KIFAP3: variants seen among roughly 807,000 people sequenced by gnomAD.
KIFAP3 encodes kinesin-associated protein 3.
A neutral mutation model predicts 106.5 loss-of-function variants in KIFAP3; 68 were observed. The ratio of observed to expected loss-of-function variants is 0.64; its 90% CI spans 0.53 to 0.78. The LOEUF is 0.78. Ranked by LOEUF, KIFAP3 falls within the 30% of genes least tolerant of loss-of-function variation. KIFAP3 has a pLI of 0.00. For synonymous variants in KIFAP3, 320 were observed against 311.5 expected, an observed-to-expected ratio of 1.03 and a Z score of -0.29; for missense variants, 780 against 941.8, an observed-to-expected ratio of 0.83 and a Z score of 2.25.
intron 9 of KIFAP3, among the ~76,000 whole-genome samples, chr1:170,017,491 G>A (rs1252318375): frequency 6.6e-6 from 1 of 152,060 alleles, no homozygotes; most frequent in Admixed American, 6.6e-5. Context: ...CCAGTGGATC[G>A]GCATTTAGGA....
At position 169,954,086 on chromosome 1, in the gene KIFAP3, G is replaced by C. The variant is rs755353825; in HGVS notation, c.2198C>G (p.Ala733Gly). Residue 733 changes from alanine to glycine, a missense_variant, in exon 19 of 20, where the codon GCC (alanine) becomes GGC (glycine). Ala to Gly is a moderately conservative substitution (Grantham distance 60, BLOSUM62 0). Around this residue, in one of 3 missense-constraint regions of KIFAP3, gnomAD observed 114 missense variants for 122.3 expected, o/e 0.93. Coordinates refer to ENST00000361580, the MANE Select transcript of KIFAP3 (RefSeq NM_014970.4). The stretch of plus-strand genomic sequence containing the variant: ...ATCATTGAAGAAATCGGGACTTATG[G>C]CTCCTTCAGAGGCAATTAATCCATC... ...NSDGLIASEG[A>G]ISPDFFNDYH... is the part of the protein sequence containing the mutation. 2.5e-6 allele frequency: 4 copies of C among 1,611,786 alleles called. No individual in the cohort carries two copies. The highest frequency in any genetic ancestry group is 2.5e-6 in the Non-Finnish European group (3 of 1,178,198).
intron 18 of KIFAP3, 136 bp downstream of exon 18, chr1:169,960,910 T>C (rs615485): frequency 0.92 from 539,272 of 585,696 alleles, 248,645 homozygotes; most frequent in East Asian, 0.99. Context: ...TATATAGACG[T>C]TACATCTAAA....
At chr1:169,949,995 T>A (rs1366804524) in intron 19 of KIFAP3, among the ~76,000 whole-genome samples, 1 of 152,110 alleles carries the variant, frequency 6.6e-6, no homozygotes, top group East Asian at 1.9e-4. Context: ...CTTACAAAAA[T>A]GAAGGTATTC....
intron 17 of KIFAP3, among the ~76,000 whole-genome samples, chr1:169,969,168 C>A (rs1270038376): frequency 2.0e-5 from 3 of 152,088 alleles, no homozygotes; most frequent in South Asian, 4.1e-4. Flanking sequence ...AATCACTACT[C>A]CCACATCCAA....
chr1:169,990,755 A>C (rs188634295), intron 11 of KIFAP3, among the ~76,000 whole-genome samples: 53 of 152,230 alleles, frequency 3.5e-4, no homozygotes, highest in African/African-American at 1.2e-3. Flanking sequence ...CCTTCAAGAC[A>C]TTTAGGACAG....
chr1:169,973,381 G>T (rs1157786592), intron 16 of KIFAP3, among the ~76,000 whole-genome samples: 1 of 148,008 alleles, frequency 6.8e-6, no homozygotes, highest in Non-Finnish European at 1.5e-5. Flanking sequence ...TCCCAAAGAA[G>T]AAAACCAATG....
At chr1:170,075,236 A>AT (rs1186787462), upstream of KIFAP3, among the ~76,000 whole-genome samples, 2 of 152,162 alleles carry the variant, frequency 1.3e-5, no homozygotes, top group Non-Finnish European at 2.9e-5. Context: ...GAGGCAGGCA[A>AT]TTGTTAGCAG....
intron 19 of KIFAP3, among the ~76,000 whole-genome samples, chr1:169,945,870 T>C (rs527494940): frequency 1.1e-3 from 167 of 152,322 alleles, no homozygotes; most frequent in African/African-American, 3.9e-3. Context: ...TGTGTGATAA[T>C]CTAATAAAAT....
At chr1:170,004,888 A>G (rs1667865361) in intron 10 of KIFAP3, among the ~76,000 whole-genome samples, 1 of 151,732 alleles carries the variant, frequency 6.6e-6, no homozygotes, top group African/African-American at 2.4e-5. Context: ...ACTTCTGCAC[A>G]GCAAAAGAAA....
At chr1:170,051,703 C>T (rs546716161) in intron 2 of KIFAP3, among the ~76,000 whole-genome samples, 1 of 152,254 alleles carries the variant, frequency 6.6e-6, no homozygotes, top group African/African-American at 2.4e-5. Flanking sequence ...CTCAAAACCA[C>T]ATAACTACAT....
intron 1 of KIFAP3, among the ~76,000 whole-genome samples, chr1:170,058,582 A>C (rs1346157875): frequency 6.6e-6 from 1 of 152,160 alleles, no homozygotes; most frequent in African/African-American, 2.4e-5. Flanking sequence ...TGTCTCATAC[A>C]CTACTAGACA....
At chr1:170,019,064 A>T (rs895824031) in intron 9 of KIFAP3, among the ~76,000 whole-genome samples, 1 of 152,202 alleles carries the variant, frequency 6.6e-6, no homozygotes, top group African/African-American at 2.4e-5. Context: ...GATAAAAAGG[A>T]AACAGTACCA....
chr1:170,032,663 TATCAA>T (rs67587694), intron 7 of KIFAP3, among the ~76,000 whole-genome samples: 9,530 of 151,764 alleles, frequency 0.063, 375 homozygotes, highest in Non-Finnish European at 0.095. Context: ...ATACCACTTG[TATCAA>T]AATACAAAGA....
chr1:169,996,551 C>T (rs181017353), intron 10 of KIFAP3, among the ~76,000 whole-genome samples: 8 of 152,270 alleles, frequency 5.3e-5, no homozygotes, highest in Admixed American at 5.2e-4. Flanking sequence ...GAGGCAATGA[C>T]ATTCACTAAG....
chr1:170,008,244 G>C (rs1263456714), intron 10 of KIFAP3, among the ~76,000 whole-genome samples: 6 of 151,552 alleles, frequency 4.0e-5, no homozygotes, highest in Non-Finnish European at 8.8e-5. Flanking sequence ...AAAAGCAACG[G>C]CAACAAAAGC....
chr1:170,009,432 T>G (rs753425140), intron 10 of KIFAP3, among the ~76,000 whole-genome samples: 4 of 150,728 alleles, frequency 2.7e-5, no homozygotes, highest in Non-Finnish European at 6.0e-5. Context: ...TATTATTATG[T>G]ATGCACTCTG....
intron 8 of KIFAP3, among the ~76,000 whole-genome samples, chr1:170,025,369 T>C (rs1166852114): frequency 6.6e-6 from 1 of 152,134 alleles, no homozygotes; most frequent in Non-Finnish European, 1.5e-5. Flanking sequence ...TAGGCTTTTA[T>C]GGTCAATATA....
chr1:169,986,902 T>C (rs1213427438), intron 11 of KIFAP3, among the ~76,000 whole-genome samples: 2 of 152,048 alleles, frequency 1.3e-5, no homozygotes, highest in Non-Finnish European at 2.9e-5. Context: ...ATTTCCATAT[T>C]AAATTCTACC....
In KIFAP3 at chr1:169,971,907, G is replaced by A. The variant is rs575874343; in HGVS notation, c.1983+606C>T. ...AGCCCTGGTGCAAGGCCCAAATCCA[G>A]GCAGAAGACTGTGGTAGGCAGCAAA... is the stretch of plus-strand genomic sequence containing the variant. On this transcript the variant is annotated intron_variant, in intron 17 of 19. Transcript: ENST00000361580. Among the ~76,000 whole-genome samples, 29 of 152,012 alleles carry A rather than the reference G, an allele frequency of 1.9e-4. 1 individual carries two copies. The East Asian group carries it at 5.4e-3, about 28-fold the overall frequency.
Sources: gnomAD v4.1 joint callset for allele counts (sites outside exome capture counted in the v4.1 genomes callset) on GRCh38, gnomAD v4.1.1 for gene constraint, gnomAD v4.1.1 regional missense constraint, MANE v1.5 for transcripts, NCBI Gene and HGNC (gene_info 2026-07-23, HGNC 2026-07-21) for gene names.